IKZF2: variants seen among roughly 807,000 people sequenced by gnomAD.
IKZF2 encodes the protein zinc finger protein Helios.
IKZF2 carries 15 observed loss-of-function variants against 49.2 expected under a neutral mutation model. The observed-to-expected ratio is 0.30, with a 90% CI of 0.20 to 0.47. The LOEUF (loss-of-function observed/expected upper bound fraction) is 0.47. IKZF2 is among the 20% of genes least tolerant of loss of function. The probability of loss-of-function intolerance (pLI) is 1.00; values close to 1 mark genes in which losing one functional copy is unlikely to be tolerated. For synonymous variants in IKZF2, 227 were observed against 221.4 expected (o/e 1.03, Z -0.23); for missense variants, 567 against 664.6 (o/e 0.85, Z 1.61).
intron 6 of IKZF2, among the ~76,000 whole-genome samples, chr2:213,023,704 T>C (rs2125123103): frequency 6.6e-6 from 1 of 152,320 alleles, no homozygotes; most frequent in South Asian, 2.1e-4. Context: ...TTCTGTAATA[T>C]TTCTCTAGAA....
intron 6 of IKZF2, among the ~76,000 whole-genome samples, chr2:213,030,178 G>A (rs1303110292): frequency 6.6e-6 from 1 of 151,792 alleles, no homozygotes; most frequent in Non-Finnish European, 1.5e-5. Flanking sequence ...CAAAATTGTT[G>A]GTAGTTTCCC....
chr2:213,136,370 C>CAAAAAAAAAAAAAAAAA (rs11325415), intron 4 of IKZF2, among the ~76,000 whole-genome samples: 3 of 53,626 alleles, frequency 5.6e-5, no homozygotes, highest in African/African-American at 1.4e-4. Context: ...GACACTGTCT[C>CAAAAAAAAAAAAAAAAA]AAAAAAAAAA....
chr2:213,112,625 C>A (rs533266849), intron 4 of IKZF2, among the ~76,000 whole-genome samples: 9 of 152,104 alleles, frequency 5.9e-5, no homozygotes, highest in African/African-American at 2.2e-4. Context: ...CTGGGCCCAG[C>A]TCAATATTCC....
At chr2:213,111,825 G>A (rs2059713518) in intron 4 of IKZF2, among the ~76,000 whole-genome samples, 1 of 152,012 alleles carries the variant, frequency 6.6e-6, no homozygotes, top group Admixed American at 6.6e-5. Context: ...TCATATGATT[G>A]TTCTCTTTAG....
At chr2:213,128,330 A>G (rs994081103) in intron 4 of IKZF2, among the ~76,000 whole-genome samples, 4 of 152,206 alleles carry the variant, frequency 2.6e-5, no homozygotes, top group Non-Finnish European at 4.4e-5. Context: ...TTTCTTCAAA[A>G]CTTAAGGCAA....
chr2:213,064,846 T>G (rs1028403576), intron 4 of IKZF2, among the ~76,000 whole-genome samples: 1 of 151,924 alleles, frequency 6.6e-6, no homozygotes, highest in Admixed American at 6.6e-5. Flanking sequence ...CCTTCAAACT[T>G]TTGCCACACT....
chr2:213,041,737 T>G (rs942828626), intron 6 of IKZF2, among the ~76,000 whole-genome samples: 33 of 152,228 alleles, frequency 2.2e-4, no homozygotes, highest in Admixed American at 1.3e-4. Flanking sequence ...ATTATTTTTT[T>G]CTTTCTTAGA....
chr2:213,099,199 T>A (rs1164014512), intron 4 of IKZF2, among the ~76,000 whole-genome samples: 1 of 152,038 alleles, frequency 6.6e-6, no homozygotes. Flanking sequence ...AAAGTCAGCC[T>A]CCTCCCCCCA....
chr2:213,106,498 G>A (rs1202840612), intron 4 of IKZF2, among the ~76,000 whole-genome samples: 1 of 151,970 alleles, frequency 6.6e-6, no homozygotes, highest in Admixed American at 6.6e-5. Flanking sequence ...CAGGCATGGT[G>A]GTGGCGCATG....
chr2:213,054,788 G>A (rs16849610), intron 5 of IKZF2, among the ~76,000 whole-genome samples: 3,757 of 152,194 alleles, frequency 0.025, 70 homozygotes, highest in African/African-American at 0.059. Flanking sequence ...AGTGAGTCTC[G>A]TATTCCTAGG....
At chr2:213,071,176 T>C (rs10203838) in intron 4 of IKZF2, among the ~76,000 whole-genome samples, 67,031 of 151,876 alleles carry the variant, frequency 0.44, 16,053 homozygotes, top group African/African-American at 0.59. Context: ...GGGGAAAATG[T>C]TTCTACAAAT....
At chr2:213,129,479 C>G (rs971589752) in intron 4 of IKZF2, among the ~76,000 whole-genome samples, 1 of 150,472 alleles carries the variant, frequency 6.6e-6, no homozygotes, top group Admixed American at 6.6e-5. Flanking sequence ...TGCCATGTCC[C>G]GGAAAAGAAA....
intron 4 of IKZF2, among the ~76,000 whole-genome samples, chr2:213,116,315 A>G (rs2059870679): frequency 6.6e-6 from 1 of 152,242 alleles, no homozygotes. Flanking sequence ...CTATTATACA[A>G]TCCCATCCAT....
In IKZF2 at chr2:213,083,995, T is replaced by C. The variant is rs961900433; in HGVS notation, c.140-26896A>G. On this transcript the variant is annotated intron_variant, in intron 4 of 8. Transcript: ENST00000434687. ...CACTAACCCTCAGGCTGTGGAAAAA[T>C]TGTCTTCCACAAAACCAGTACTTGG... Among the ~76,000 whole-genome samples the C allele has an allele frequency of 2.6e-5, 4 of 151,986 alleles. 1 individual carries two copies. The highest frequency in any genetic ancestry group is 1.5e-5 in the Non-Finnish European group (1 of 67,994).
intron 4 of IKZF2, among the ~76,000 whole-genome samples, chr2:213,136,067 GAAAGAAA>G (rs1402925162): frequency 1.5e-5 from 2 of 135,144 alleles, no homozygotes; most frequent in Non-Finnish European, 3.2e-5. Context: ...AAAAAAGAAA[GAAAGAAA>G]AAAGAAAAGA....
chr2:213,077,301 A>G (rs1233278760), intron 4 of IKZF2, among the ~76,000 whole-genome samples: 1 of 152,196 alleles, frequency 6.6e-6, no homozygotes, highest in East Asian at 1.9e-4. Flanking sequence ...AAATTGTAGT[A>G]TTCCATAGCT....
At chr2:213,081,311 T>C (rs913940642) in intron 4 of IKZF2, 36 of 154,062 alleles carry the variant, frequency 2.3e-4, no homozygotes, top group Non-Finnish European at 4.7e-4. Flanking sequence ...CATTAGTAGA[T>C]TCAATTAAAT....
chr2:213,140,095 G>A (rs73079214), intron 4 of IKZF2, among the ~76,000 whole-genome samples: 2,235 of 151,880 alleles, frequency 0.015, 52 homozygotes, highest in African/African-American at 0.051. Flanking sequence ...ATCAATGATC[G>A]AAAGATGAAA....
intron 6 of IKZF2, among the ~76,000 whole-genome samples, chr2:213,047,021 G>A (rs998950664): frequency 2.6e-5 from 4 of 152,110 alleles, no homozygotes; most frequent in African/African-American, 7.2e-5. Flanking sequence ...ATTCCTGAGA[G>A]AGATCAACCA....
Sources: allele counts gnomAD v4.1 joint callset (sites outside exome capture counted in the v4.1 genomes callset), GRCh38; gene constraint gnomAD v4.1.1; transcripts MANE v1.5; gene names NCBI Gene and HGNC (gene_info 2026-07-23, HGNC 2026-07-21).